The following PROCR variants were observed in gnomAD, a reference collection of about 807,000 sequenced individuals.
PROCR encodes endothelial protein C receptor.
PROCR carries 22 observed loss-of-function variants against 24.2 expected under a neutral mutation model. The observed-to-expected ratio is 0.91, with a 90% CI of 0.65 to 1.30. PROCR has a LOEUF of 1.30. PROCR is among the 50% of genes most tolerant of loss of function. The probability of loss-of-function intolerance (pLI) is 0.00; values close to 1 mark genes in which losing one functional copy is unlikely to be tolerated. For synonymous variants in PROCR, 137 were observed against 139.2 expected (o/e 0.98, Z 0.11); for missense variants, 288 against 307.7 (o/e 0.94, Z 0.48).
downstream of PROCR, among the ~76,000 whole-genome samples, chr20:35,178,507 G>GTTTTGTTGTTTTTTT (rs1272557859): frequency 2.9e-5 from 1 of 34,372 alleles, no homozygotes; most frequent in African/African-American, 1.8e-4. Flanking sequence ...TCAAGTCTCA[G>GTTTTGTTGTTTTTTT]TTTTTTTTTT....
chr20:35,199,937 C>A (rs1243377323), intron 1 of PROCR, among the ~76,000 whole-genome samples: 1 of 152,050 alleles, frequency 6.6e-6, no homozygotes, highest in Non-Finnish European at 1.5e-5. Context: ...GAAGTTGATT[C>A]CAACCCTCAT....
rs2086010534 is a variant in PROCR, at chr20:35,175,885, C to CTG, written c.323-283_323-282insTG. Among the ~76,000 whole-genome samples, 4 of 151,304 alleles carry CTG rather than the reference C, an allele frequency of 2.6e-5. No homozygotes were observed. The East Asian group carries it at 7.8e-4, about 29-fold the overall frequency. On this transcript the variant is annotated intron_variant, in intron 2 of 3. Transcript: ENST00000216968. Reference sequence around the variant, plus strand: ...CAGGCGTGAGCTGCCGCCCCTGCCCCAGCCTCACCCCCTGTTTTTTTTTTC... The same window carrying CTG: ...CAGGCGTGAGCTGCCGCCCCTGCCCCTGAGCCTCACCCCCTGTTTTTTTTTTC...
rs749651182 is a variant in PROCR, at chr20:35,176,350, A to G, written c.505A>G (p.Asn169Asp). Residue 169 changes from asparagine (N) to aspartate (D), a missense_variant, in exon 3 of 4, where the codon AAT (asparagine) becomes GAT (aspartate). By Grantham distance (23) the Asn-to-Asp change is conservative (BLOSUM62 1). Transcript: ENST00000216968. ...GGTCACCTTCACCCTGCAGCAGCTC[A>G]ATGCCTACAACCGCACTCGGTATGA... ...GVVTFTLQQL[N>D]AYNRTRYELR... is the part of the protein sequence containing the mutation. 11 of 1,614,248 alleles carry G rather than the reference A, an allele frequency of 6.8e-6. No individual in the cohort carries two copies. The South Asian group carries it at 1.2e-4, about 18-fold the overall frequency.
intron 1 of PROCR, among the ~76,000 whole-genome samples, chr20:35,214,425 G>A (rs541288041): frequency 3.9e-5 from 6 of 152,050 alleles, no homozygotes; most frequent in African/African-American, 9.7e-5. Context: ...GGTGGCTCAC[G>A]CCTGTAATCC....
intron 1 of PROCR, among the ~76,000 whole-genome samples, chr20:35,213,504 T>C (rs945726667): frequency 6.0e-5 from 9 of 151,018 alleles, no homozygotes; most frequent in Non-Finnish European, 1.2e-4. Flanking sequence ...TTATTTCTGC[T>C]TTTTTTTTGG....
At position 35,177,151 on chromosome 20, in the gene PROCR, G is replaced by A. The variant is rs1301056492; in HGVS notation, c.*338G>A. The A allele has an allele frequency of 6.9e-6, 8 of 1,159,642 alleles. No homozygotes were observed. Among genetic ancestry groups the A allele is most frequent in the African/African-American group, 3.2e-5 (2 of 62,454 alleles). The allele number at this position is 1,159,642 out of a possible 1,614,324, so 71.8% of individuals were successfully genotyped here. ...AAAGACAGACAGAATCACCTGAGGC[G>A]TTCAAAAGATATAACCAAATAAACA... On this transcript the variant is annotated 3_prime_UTR_variant, in exon 4 of 4. Transcript: ENST00000216968.
chr20:35,200,180 C>G (rs1455947322), intron 1 of PROCR, among the ~76,000 whole-genome samples: 1 of 152,118 alleles, frequency 6.6e-6, no homozygotes, highest in Non-Finnish European at 1.5e-5. Flanking sequence ...GAAATGACAA[C>G]AAAGGATTTA....
At chr20:35,205,011 G>A (rs1389107501) in intron 1 of PROCR, among the ~76,000 whole-genome samples, 5 of 151,968 alleles carry the variant, frequency 3.3e-5, no homozygotes, top group Non-Finnish European at 4.4e-5. Context: ...GGTGGCTCAC[G>A]CCTGTAATCC....
Position 35,174,919 on chromosome 20 carries a change from C to T in PROCR, c.288C>T (p.Leu96=), listed in dbSNP as rs761109678. 3.5e-6 allele frequency: 5 copies of T among 1,434,744 alleles called. No individual in the cohort carries two copies. Among genetic ancestry groups the T allele is most frequent in the South Asian group, 1.1e-5 (1 of 87,718 alleles). 88.9% of individuals were successfully genotyped at this position (1,434,744 alleles called of 1,614,324 possible). ...CCTACCTGCTCCAGTTCCACGGCCTCGTGCGCCTGGTGCACCAGGAGCGGA... is the reference window on the plus strand; with the variant it reads ...CCTACCTGCTCCAGTTCCACGGCCTTGTGCGCCTGGTGCACCAGGAGCGGA... The part of the protein sequence containing the change: ...LQSYLLQFHG[L]VRLVHQERTL... Residue 96 remains leucine, a synonymous_variant, in exon 2 of 4, where the codon CTC becomes CTT. Transcript: ENST00000216968.
At chr20:35,191,657 G>A (rs752122805) in intron 1 of PROCR, among the ~76,000 whole-genome samples, 10 of 152,112 alleles carry the variant, frequency 6.6e-5, no homozygotes, top group Non-Finnish European at 1.3e-4. Flanking sequence ...TAGATAGACC[G>A]AACAAGTGCA....
intron 1 of PROCR, among the ~76,000 whole-genome samples, chr20:35,193,257 C>A (rs1032228450): frequency 6.6e-6 from 1 of 151,816 alleles, no homozygotes; most frequent in Non-Finnish European, 1.5e-5. Flanking sequence ...CTCACTGCAA[C>A]CTCCACCTCC....
At chr20:35,193,505 A>C (rs926796128) in intron 1 of PROCR, among the ~76,000 whole-genome samples, 2 of 152,180 alleles carry the variant, frequency 1.3e-5, no homozygotes, top group African/African-American at 4.8e-5. Context: ...TGCTGGCTAT[A>C]TCAATAGGCT....
At chr20:35,211,238 A>C (rs1455898747) in intron 1 of PROCR, among the ~76,000 whole-genome samples, 1 of 152,222 alleles carries the variant, frequency 6.6e-6, no homozygotes, top group Non-Finnish European at 1.5e-5. Flanking sequence ...GGGCAATCTG[A>C]AACTACTGGG....
upstream of PROCR, chr20:35,171,992 T>G: frequency 1.4e-6 from 1 of 705,768 alleles, no homozygotes; most frequent in Non-Finnish European, 2.6e-6. Flanking sequence ...AATAACACTT[T>G]ATAAGCCTCT....
At chr20:35,181,311 G>A (rs1041770943), downstream of PROCR, among the ~76,000 whole-genome samples, 1 of 151,368 alleles carries the variant, frequency 6.6e-6, no homozygotes, top group African/African-American at 2.4e-5. Flanking sequence ...GTCTCACTCT[G>A]TCACCCAGGC....
At chr20:35,190,480 CAAAA>C (rs763232620) in intron 1 of PROCR, among the ~76,000 whole-genome samples, 30 of 152,288 alleles carry the variant, frequency 2.0e-4, no homozygotes, top group African/African-American at 5.1e-4. Flanking sequence ...CCCACCCAAA[CAAAA>C]AACAAAACCC....
intron 1 of PROCR, among the ~76,000 whole-genome samples, chr20:35,203,932 A>G (rs533495089): frequency 6.6e-6 from 1 of 152,204 alleles, no homozygotes; most frequent in Admixed American, 6.5e-5. Flanking sequence ...GAAATTAGAA[A>G]AGCAGAATTC....
chr20:35,172,680 G>A (rs1448789107), intron 1 of PROCR, among the ~76,000 whole-genome samples: 2 of 152,126 alleles, frequency 1.3e-5, no homozygotes, highest in Non-Finnish European at 2.9e-5. Flanking sequence ...GGGAGGCTAG[G>A]GAAAATGGAA....
At chr20:35,209,275 T>C (rs1250474443) in intron 1 of PROCR, among the ~76,000 whole-genome samples, 1 of 152,196 alleles carries the variant, frequency 6.6e-6, no homozygotes, top group Non-Finnish European at 1.5e-5. Flanking sequence ...TCCAGGTCTC[T>C]GGCATGAACA....
Sources: gnomAD v4.1 joint callset for allele counts (sites outside exome capture counted in the v4.1 genomes callset) on GRCh38, gnomAD v4.1.1 for gene constraint, MANE v1.5 for transcripts, NCBI Gene and HGNC (gene_info 2026-07-23, HGNC 2026-07-21) for gene names.